Variants in DSCAML1 observed in about 807,000 individuals in gnomAD.
The protein encoded by DSCAML1 is cell adhesion molecule DSCAML1.
DSCAML1 carries 38 observed loss-of-function variants against 200.5 expected under a neutral mutation model. The ratio of observed to expected loss-of-function variants is 0.19; its 90% CI spans 0.15 to 0.25. DSCAML1 has a LOEUF of 0.25. Among genes scored for constraint, DSCAML1 ranks in the 10% least tolerant of loss-of-function variants. The probability of loss-of-function intolerance (pLI) is 1.00; values close to 1 mark genes in which losing one functional copy is unlikely to be tolerated. For missense variants in DSCAML1, 2,223 were observed against 2,858.8 expected (o/e 0.78, Z 5.07); for synonymous variants, 1,215 against 1,165.0 (o/e 1.04, Z -0.87).
At chr11:117,678,891 A>C (rs914470230) in intron 3 of DSCAML1, among the ~76,000 whole-genome samples, 4 of 152,230 alleles carry the variant, frequency 2.6e-5, no homozygotes, top group African/African-American at 9.6e-5. Context: ...TTTGAATAGG[A>C]TTGTAAAGAG....
At chr11:117,744,487 A>G (rs1049363216) in intron 3 of DSCAML1, among the ~76,000 whole-genome samples, 1 of 152,198 alleles carries the variant, frequency 6.6e-6, no homozygotes, top group African/African-American at 2.4e-5. Context: ...CACTTCTTAC[A>G]GTGAGTGAGA....
Position 117,489,667 on chromosome 11 carries a change from T to TGCTA in DSCAML1, c.2360-7509_2360-7506dup, listed in dbSNP as rs1377799259. Among the ~76,000 whole-genome samples the TGCTA allele has an allele frequency of 6.6e-6, 1 of 152,184 alleles. No homozygotes were observed. The highest frequency in any genetic ancestry group is 1.5e-5 in the Non-Finnish European group (1 of 68,012). ...AGCCTCAGTTACAGTCCCCAGCACC[T>TGCTA]GCTACAGTGCCTGGCACTGTGATGA... is the stretch of plus-strand genomic sequence containing the variant. On this transcript the variant is annotated intron_variant, in intron 11 of 32. Coordinates refer to ENST00000651296, the MANE Select transcript of DSCAML1 (RefSeq NM_020693.4). This position sits in a 1 kb window ranked among gnomAD's most constrained non-coding sequence, Gnocchi z 4.8.
At chr11:117,502,893 A>G (rs2049424123) in intron 11 of DSCAML1, among the ~76,000 whole-genome samples, 1 of 151,516 alleles carries the variant, frequency 6.6e-6, no homozygotes, top group African/African-American at 2.4e-5. Context: ...GCACGAGGCC[A>G]AGTATGCTCA....
chr11:117,568,173 AC>A (rs1242582904), intron 3 of DSCAML1, among the ~76,000 whole-genome samples: 14 of 152,304 alleles, frequency 9.2e-5, no homozygotes, highest in Middle Eastern at 3.4e-3. Flanking sequence ...AAATTCAACA[AC>A]CCTTCCTGCT....
At chr11:117,537,323 T>C (rs886705133) in intron 3 of DSCAML1, among the ~76,000 whole-genome samples, 1 of 152,218 alleles carries the variant, frequency 6.6e-6, no homozygotes. Flanking sequence ...CCCTCTGGGA[T>C]CCCACAGTTA....
intron 3 of DSCAML1, among the ~76,000 whole-genome samples, chr11:117,554,737 G>C (rs2050529198): frequency 6.6e-6 from 1 of 152,192 alleles, no homozygotes; most frequent in Non-Finnish European, 1.5e-5. Context: ...GTGAGGCTCA[G>C]AAGTGCAGCT....
intron 17 of DSCAML1, among the ~76,000 whole-genome samples, chr11:117,464,132 G>A (rs2048533174): frequency 6.6e-6 from 1 of 152,146 alleles, no homozygotes; most frequent in Non-Finnish European, 1.5e-5. Context: ...CGCTCTGTTG[G>A]GGCGGGGTGG....
In DSCAML1 at chr11:117,780,464, A is replaced by G; in HGVS notation, c.364+29T>C. On this transcript the variant is annotated intron_variant, in intron 2 of 32. Transcript: ENST00000651296. The surrounding 1 kb of genome is among the most constrained non-coding windows in gnomAD (Gnocchi z 4.8). ...TGACGGCGCAGCCTCCTCCTGTGCC[A>G]CTGGGGCAGCCAGTGTCTTGTCCCT... 7.0e-7 allele frequency: 1 copy of G among 1,419,514 alleles called. No individual in the cohort carries two copies. Among genetic ancestry groups the G allele is most frequent in the East Asian group, 2.7e-5 (1 of 37,700 alleles). The allele number at this position is 1,419,514 out of a possible 1,614,324, so 87.9% of individuals were successfully genotyped here.
chr11:117,640,421 T>C (rs1304541014), intron 3 of DSCAML1, among the ~76,000 whole-genome samples: 2 of 152,148 alleles, frequency 1.3e-5, no homozygotes, highest in Non-Finnish European at 2.9e-5. Context: ...ACTTTAGAGA[T>C]GGGGTAAAGT....
chr11:117,705,720 C>T (rs2053748275), intron 3 of DSCAML1, among the ~76,000 whole-genome samples: 1 of 152,182 alleles, frequency 6.6e-6, no homozygotes, highest in South Asian at 2.1e-4. Flanking sequence ...CTGCCACCCA[C>T]CTCCCAGAGC....
chr11:117,640,473 C>A (rs1197418689), intron 3 of DSCAML1, among the ~76,000 whole-genome samples: 1 of 152,178 alleles, frequency 6.6e-6, no homozygotes, highest in Non-Finnish European at 1.5e-5. Flanking sequence ...AGGCAAGTGT[C>A]ATAGTCAGGA....
At chr11:117,660,325 G>A (rs1033073153) in intron 3 of DSCAML1, among the ~76,000 whole-genome samples, 2 of 152,218 alleles carry the variant, frequency 1.3e-5, no homozygotes, top group African/African-American at 4.8e-5. Flanking sequence ...GCACCGTTGA[G>A]GAGCCAGACC....
At chr11:117,625,819 G>A (rs555691228) in intron 3 of DSCAML1, among the ~76,000 whole-genome samples, 1 of 152,350 alleles carries the variant, frequency 6.6e-6, no homozygotes, top group South Asian at 2.1e-4. Context: ...CCTGTAATGT[G>A]TGGGGCAATC....
At chr11:117,796,613 C>T (rs1240362345) in intron 1 of DSCAML1, among the ~76,000 whole-genome samples, 1 of 152,216 alleles carries the variant, frequency 6.6e-6, no homozygotes, top group Non-Finnish European at 1.5e-5. Flanking sequence ...CCGCCGAGTC[C>T]GAGGCCTGAA....
intron 3 of DSCAML1, among the ~76,000 whole-genome samples, chr11:117,649,131 C>T (rs2052578999): frequency 6.7e-6 from 1 of 149,688 alleles, no homozygotes; most frequent in Non-Finnish European, 1.5e-5. Context: ...GGCTTGAGTG[C>T]AATGGCATGA....
intron 16 of DSCAML1, among the ~76,000 whole-genome samples, chr11:117,468,039 C>T (rs2048617906): frequency 6.6e-6 from 1 of 152,160 alleles, no homozygotes; most frequent in African/African-American, 2.4e-5. Context: ...GATAGATTCA[C>T]ATATTTATAC....
rs1467443325 is a variant in DSCAML1, at chr11:117,437,261, G to T, written c.4581C>A (p.Gly1527=). The T allele has an allele frequency of 1.9e-6, 3 of 1,614,214 alleles. No homozygotes were observed. The highest frequency in any genetic ancestry group is 2.5e-6 in the Non-Finnish European group (3 of 1,180,038). Residue 1527 remains glycine (G), a synonymous_variant, in exon 26 of 33, where the codon GGC becomes GGA. Coordinates refer to ENST00000651296, the MANE Select transcript of DSCAML1 (RefSeq NM_020693.4). This position sits in a 1 kb window ranked among gnomAD's most constrained non-coding sequence, Gnocchi z 5.3. The part of the protein sequence containing the change: ...YRPKGTWAWQ[G]LRANSSGEVF... ...CCTCCCCGGAGCTGTTGGCCCGGAGGCCCTGCCAGGCCCAGGTCCCCTTGG... is the reference window on the plus strand; with the variant it reads ...CCTCCCCGGAGCTGTTGGCCCGGAGTCCCTGCCAGGCCCAGGTCCCCTTGG...
chr11:117,790,046 C>A (rs2055431688), intron 1 of DSCAML1, among the ~76,000 whole-genome samples: 1 of 152,204 alleles, frequency 6.6e-6, no homozygotes, highest in Non-Finnish European at 1.5e-5. Context: ...CCTCTCCCAC[C>A]CCCAACGCAG....
At position 117,433,577 on chromosome 11, in the gene DSCAML1, C is replaced by T. The variant is rs185498972; in HGVS notation, c.4877-106G>A. On this transcript the variant is annotated intron_variant, in intron 27 of 32. Coordinates refer to ENST00000651296, the MANE Select transcript of DSCAML1 (RefSeq NM_020693.4). ...AGGTGGAGAATTCCTTAAAATGGGG[C>T]CAGGGCTGGTCTCCTAAGAAGCAGA... is the stretch of plus-strand genomic sequence containing the variant. 48 of 1,262,788 alleles carry T rather than the reference C, an allele frequency of 3.8e-5. 1 individual carries two copies. In the East Asian group the frequency reaches 8.7e-4, roughly 23 times the overall value. The allele number at this position is 1,262,788 out of a possible 1,614,324, so 78.2% of individuals were successfully genotyped here.
Sources: gnomAD v4.1 joint callset for allele counts (sites outside exome capture counted in the v4.1 genomes callset) on GRCh38, gnomAD v4.1.1 for gene constraint, Gnocchi (gnomAD v3.1) non-coding constraint, MANE v1.5 for transcripts, NCBI Gene and HGNC (gene_info 2026-07-23, HGNC 2026-07-21) for gene names.